Variants in BRAF observed in about 807,000 individuals in gnomAD.
BRAF encodes serine/threonine-protein kinase B-raf.
A neutral mutation model predicts 104.6 loss-of-function variants in BRAF; 16 were observed. The observed-to-expected ratio is 0.15, with a 90% confidence interval of 0.10 to 0.23. The LOEUF (loss-of-function observed/expected upper bound fraction) is 0.23, where lower values mean the gene tolerates loss of function less well. Ranked by LOEUF, BRAF falls within the 10% of genes least tolerant of loss-of-function variation. BRAF has a pLI of 1.00. For synonymous variants in BRAF, 310 were observed against 341.6 expected, an observed-to-expected ratio of 0.91 and a Z score of 1.02; for missense variants, 541 against 937.3, an observed-to-expected ratio of 0.58 and a Z score of 5.52.
At chr7:140,812,160 CTGTGTGTG>C (rs201757515) in intron 3 of BRAF, among the ~76,000 whole-genome samples, 8 of 140,628 alleles carry the variant, frequency 5.7e-5, no homozygotes, top group South Asian at 2.4e-4. Context: ...GCATGCACAC[CTGTGTGTG>C]TGTGTGTGTG....
chr7:140,718,193 C>G (rs1795178289), downstream of BRAF, among the ~76,000 whole-genome samples: 1 of 152,194 alleles, frequency 6.6e-6, no homozygotes, highest in Admixed American at 6.5e-5. Flanking sequence ...CTCCCAGGTT[C>G]AAGCGATTCT....
chr7:140,859,761 C>T (rs1810205074), intron 1 of BRAF, among the ~76,000 whole-genome samples: 1 of 147,942 alleles, frequency 6.8e-6, no homozygotes, highest in African/African-American at 2.5e-5. Context: ...GATCTCGGCT[C>T]ACTGCAACCT....
At chr7:140,864,229 A>G (rs1810706194) in intron 1 of BRAF, among the ~76,000 whole-genome samples, 1 of 152,174 alleles carries the variant, frequency 6.6e-6, no homozygotes. Context: ...AGTTGAAACT[A>G]TGGTTGTGTT....
chr7:140,752,444 T>C (rs1490760769), intron 16 of BRAF, among the ~76,000 whole-genome samples: 6 of 152,238 alleles, frequency 3.9e-5, no homozygotes, highest in Admixed American at 3.9e-4. Context: ...AAGAAAATCT[T>C]GTCTCACAAA....
chr7:140,750,764 G>A (rs1162942146), intron 16 of BRAF, among the ~76,000 whole-genome samples: 1 of 151,298 alleles, frequency 6.6e-6, no homozygotes, highest in African/African-American at 2.5e-5. Context: ...ATTTTTGTGA[G>A]AGATGGAGTA....
chr7:140,850,287 T>A (rs895524667), intron 1 of BRAF, 75 bp from the exon 2 acceptor site: 2 of 1,134,606 alleles, frequency 1.8e-6, no homozygotes, highest in African/African-American at 1.6e-5. Flanking sequence ...CATAGACAAC[T>A]ACATCACAGT....
intron 3 of BRAF, among the ~76,000 whole-genome samples, chr7:140,829,146 A>G (rs1806410995): frequency 6.7e-6 from 1 of 149,520 alleles, no homozygotes; most frequent in Non-Finnish European, 1.5e-5. Context: ...CTGGGCACCA[A>G]TGCTGTTTCC....
chr7:140,818,065 C>T (rs1027227385), intron 3 of BRAF, among the ~76,000 whole-genome samples: 1 of 151,658 alleles, frequency 6.6e-6, no homozygotes, highest in African/African-American at 2.4e-5. Flanking sequence ...CTTATGGCTA[C>T]ACATATATAT....
intron 8 of BRAF, among the ~76,000 whole-genome samples, chr7:140,793,068 C>A (rs991076450): frequency 2.6e-5 from 4 of 151,942 alleles, no homozygotes; most frequent in African/African-American, 7.3e-5. Flanking sequence ...AAGTAAAAAC[C>A]AGTTTGAGAT....
chr7:140,817,436 C>T (rs1162288268), intron 3 of BRAF, among the ~76,000 whole-genome samples: 3 of 152,188 alleles, frequency 2.0e-5, no homozygotes, highest in Middle Eastern at 6.8e-3. Flanking sequence ...ACATTCTTCA[C>T]AGAAATAGAA....
At chr7:140,847,572 T>C (rs754976316) in intron 2 of BRAF, among the ~76,000 whole-genome samples, 1 of 151,756 alleles carries the variant, frequency 6.6e-6, no homozygotes, top group Non-Finnish European at 1.5e-5. Context: ...GACAGCAAGA[T>C]TCCATCTCAG....
chr7:140,878,684 T>C (rs1812532273), intron 1 of BRAF, among the ~76,000 whole-genome samples: 1 of 152,180 alleles, frequency 6.6e-6, no homozygotes, highest in African/African-American at 2.4e-5. Context: ...TTTCACAGTA[T>C]AGTAGGGAAA....
chr7:140,877,293 T>TTG (rs796471296), intron 1 of BRAF, among the ~76,000 whole-genome samples: 1 of 69,146 alleles, frequency 1.4e-5, no homozygotes, highest in African/African-American at 4.8e-5. Context: ...TTTTAAGAGA[T>TTG]GGGGGGGGGG....
intron 3 of BRAF, among the ~76,000 whole-genome samples, chr7:140,821,218 A>G (rs1805442189): frequency 1.3e-5 from 2 of 151,894 alleles, no homozygotes; most frequent in African/African-American, 4.8e-5. Context: ...TCCTGGGCTC[A>G]AGCAATCCTT....
At chr7:140,716,497 T>C (rs1489763093), downstream of BRAF, among the ~76,000 whole-genome samples, 2 of 152,212 alleles carry the variant, frequency 1.3e-5, no homozygotes, top group Non-Finnish European at 2.9e-5. Context: ...TTGATTTTTA[T>C]AGAAAAACTT....
At chr7:140,713,343 T>C in the BRAF span, among the ~76,000 whole-genome samples, 1 of 152,198 alleles carries the variant, frequency 6.6e-6, no homozygotes, top group Non-Finnish European at 1.5e-5. Flanking sequence ...CTTCTCTTCT[T>C]GCTTCATTTC....
chr7:140,719,214 TTATG>T (rs763552937), downstream of BRAF: 6 of 356,818 alleles, frequency 1.7e-5, no homozygotes, highest in South Asian at 4.6e-4. Context: ...GTAACCAACA[TTATG>T]TATGAAACAA....
intron 1 of BRAF, among the ~76,000 whole-genome samples, chr7:140,923,541 T>C (rs1408238049): frequency 6.6e-6 from 1 of 151,832 alleles, no homozygotes; most frequent in Non-Finnish European, 1.5e-5. Context: ...AGGACAACAC[T>C]AAGAAATCAA....
Position 140,807,946 on chromosome 7 carries a change from G to T in BRAF, c.711+14C>A. The T allele has an allele frequency of 6.3e-7, 1 of 1,583,986 alleles. No homozygotes were observed. Among genetic ancestry groups the T allele is most frequent in the Non-Finnish European group, 8.7e-7 (1 of 1,155,184 alleles). On this transcript the variant is annotated intron_variant, in intron 5 of 19. Coordinates refer to ENST00000644969, the MANE Select transcript of BRAF (RefSeq NM_001374258.1). ...CATTTTTGACATTTCAAAAAAAAAT[G>T]TAAAGATACATACAAAGTTGTGTGT...
Sources: allele counts gnomAD v4.1 joint callset (sites outside exome capture counted in the v4.1 genomes callset), GRCh38; gene constraint gnomAD v4.1.1; transcripts MANE v1.5; gene names NCBI Gene and HGNC (gene_info 2026-07-23, HGNC 2026-07-21).